Variants in LPCAT2 observed in about 807,000 individuals in gnomAD.
The protein encoded by LPCAT2 is lysophosphatidylcholine acyltransferase 2, also known as 1-AGP acyltransferase 11.
LPCAT2 carries 58 observed loss-of-function variants against 64.7 expected under a neutral mutation model. That is an observed-to-expected ratio of 0.90 (90% CI 0.73 to 1.12). The LOEUF is 1.12. LPCAT2 is among the 50% of genes most tolerant of loss of function. The pLI is 0.00. For missense variants in LPCAT2, 579 were observed against 669.8 expected, an observed-to-expected ratio of 0.86 and a Z score of 1.50; for synonymous variants, 252 against 245.3, an observed-to-expected ratio of 1.03 and a Z score of -0.26.
At chr16:55,557,429 C>T (rs1469686079) in intron 11 of LPCAT2, among the ~76,000 whole-genome samples, 1 of 152,126 alleles carries the variant, frequency 6.6e-6, no homozygotes, top group Non-Finnish European at 1.5e-5. Context: ...GGCTTGTTTT[C>T]TCAGTCTCTG....
At chr16:55,580,765 C>T (rs1249222584) in intron 13 of LPCAT2, among the ~76,000 whole-genome samples, 2 of 152,070 alleles carry the variant, frequency 1.3e-5, no homozygotes, top group South Asian at 4.1e-4. Context: ...GAGTGGCAGG[C>T]GAGTGAGCAT....
chr16:55,521,343 A>G (rs1354493825), intron 1 of LPCAT2, among the ~76,000 whole-genome samples: 1 of 151,796 alleles, frequency 6.6e-6, no homozygotes, highest in Non-Finnish European at 1.5e-5. Flanking sequence ...ATCCACACAT[A>G]TACATTTAAA....
intron 11 of LPCAT2, among the ~76,000 whole-genome samples, chr16:55,556,255 G>A (rs1176915397): frequency 6.6e-6 from 1 of 152,200 alleles, no homozygotes; most frequent in Non-Finnish European, 1.5e-5. Flanking sequence ...TAAATAAAAT[G>A]TATGTATATA....
intron 13 of LPCAT2, among the ~76,000 whole-genome samples, chr16:55,581,670 T>C (rs1462748351): frequency 6.6e-6 from 1 of 152,222 alleles, no homozygotes; most frequent in Non-Finnish European, 1.5e-5. Context: ...GGACATTTAG[T>C]TAACATTATT....
At chr16:55,535,791 T>C (rs186932788) in intron 7 of LPCAT2, among the ~76,000 whole-genome samples, 2 of 152,272 alleles carry the variant, frequency 1.3e-5, no homozygotes, top group East Asian at 3.9e-4. Context: ...CTTACAGAGA[T>C]AGTGATGTGG....
At chr16:55,544,289 G>A (rs1963429090) in intron 8 of LPCAT2, among the ~76,000 whole-genome samples, 1 of 152,164 alleles carries the variant, frequency 6.6e-6, no homozygotes, top group Admixed American at 6.5e-5. Flanking sequence ...TTTATCAAAT[G>A]GAAGTGGTAA....
rs779871413 is a variant in LPCAT2 at position 55,537,578 on chromosome 16, C to T, written c.798C>T (p.Phe266=). ...TVTWTWQGYT[F]IQLCMLTFCQ... is the part of the protein sequence containing the mutation. ...ATAGACTTTTCTTTTTTCTCTTCAG[C>T]ATTCAGCTTTGTATGCTTACTTTCT... Residue 266 remains phenylalanine, a splice_region_variant and synonymous_variant, in exon 8 of 14, where the codon TTC becomes TTT. Transcript: ENST00000262134. The T allele has an allele frequency of 1.4e-5, 22 of 1,612,048 alleles. No individual in the cohort carries two copies. The highest frequency in any genetic ancestry group is 1.9e-5 in the Non-Finnish European group (22 of 1,178,850).
At chr16:55,575,381 C>T (rs1264154721) in intron 12 of LPCAT2, among the ~76,000 whole-genome samples, 1 of 152,144 alleles carries the variant, frequency 6.6e-6, no homozygotes, top group Non-Finnish European at 1.5e-5. Flanking sequence ...AGAATACATT[C>T]CCAAAATGTG....
chr16:55,576,609 T>TA (rs1963830818), intron 12 of LPCAT2, among the ~76,000 whole-genome samples: 1 of 152,174 alleles, frequency 6.6e-6, no homozygotes, highest in Non-Finnish European at 1.5e-5. Flanking sequence ...ACTCTGTTCA[T>TA]AATGCACATT....
chr16:55,533,964 G>A (rs1228617472), intron 6 of LPCAT2, among the ~76,000 whole-genome samples: 1 of 151,960 alleles, frequency 6.6e-6, no homozygotes, highest in African/African-American at 2.4e-5. Flanking sequence ...TTTAGAGGCT[G>A]GTTTTTCAAC....
At chr16:55,553,577 C>T (rs1963542589) in intron 11 of LPCAT2, among the ~76,000 whole-genome samples, 1 of 152,178 alleles carries the variant, frequency 6.6e-6, no homozygotes, top group Admixed American at 6.5e-5. Context: ...TTTACTTGCT[C>T]CACTGAGGTC....
At chr16:55,527,682 TTAAC>T (rs1315473503) in intron 2 of LPCAT2, among the ~76,000 whole-genome samples, 1 of 152,144 alleles carries the variant, frequency 6.6e-6, no homozygotes, top group Non-Finnish European at 1.5e-5. Flanking sequence ...GTTTGATAAA[TTAAC>T]TAATCTATAA....
chr16:55,573,837 C>G (rs1963797488), intron 11 of LPCAT2, among the ~76,000 whole-genome samples: 1 of 150,624 alleles, frequency 6.6e-6, no homozygotes, highest in African/African-American at 2.5e-5. Context: ...TCTACCTTAT[C>G]TCTCTCTCTC....
In LPCAT2 at chr16:55,534,486, C is replaced by T; in HGVS notation, c.797+9C>T. 2 of 1,374,854 alleles carry T rather than the reference C, an allele frequency of 1.5e-6. No individual in the cohort carries two copies. The highest frequency in any genetic ancestry group is 1.4e-5 in the South Asian group (1 of 69,924). 85.2% of individuals were successfully genotyped at this position (1,374,854 alleles called of 1,614,324 possible). A position where few individuals can be genotyped will look rare whatever the true frequency, so the allele number is the denominator to read the frequency against. On this transcript the variant is annotated intron_variant, in intron 7 of 13. Transcript: ENST00000262134. ...TGGCAAGGATATACATTGTAAGTCA[C>T]TTATGTCTATTATTAGTTTATATAA...
intron 11 of LPCAT2, among the ~76,000 whole-genome samples, chr16:55,552,060 AAT>A (rs1376769487): frequency 6.6e-6 from 1 of 152,158 alleles, no homozygotes; most frequent in Non-Finnish European, 1.5e-5. Context: ...CAGTTGAAAA[AAT>A]ATATATATTT....
chr16:55,540,194 G>T (rs1326338103), intron 8 of LPCAT2: 2 of 152,064 alleles, frequency 1.3e-5, no homozygotes, highest in African/African-American at 4.8e-5. Context: ...TTTTGAAAAG[G>T]TTATTATTTT....
At chr16:55,570,850 C>T (rs1338844536) in intron 11 of LPCAT2, among the ~76,000 whole-genome samples, 1 of 152,128 alleles carries the variant, frequency 6.6e-6, no homozygotes, top group Non-Finnish European at 1.5e-5. Flanking sequence ...TCGAATACTT[C>T]TTCCTGTACT....
At chr16:55,542,615 G>A (rs1963410844) in intron 8 of LPCAT2, among the ~76,000 whole-genome samples, 1 of 152,096 alleles carries the variant, frequency 6.6e-6, no homozygotes, top group African/African-American at 2.4e-5. Flanking sequence ...AGAAGTGAAA[G>A]ATTCTAAGTA....
chr16:55,534,182 G>A (rs1158434581), intron 6 of LPCAT2, among the ~76,000 whole-genome samples: 2 of 152,038 alleles, frequency 1.3e-5, no homozygotes. Context: ...GGCTAAGCAT[G>A]TAAAATAGTT....
Sources: allele counts gnomAD v4.1 joint callset (sites outside exome capture counted in the v4.1 genomes callset), GRCh38; gene constraint gnomAD v4.1.1; transcripts MANE v1.5; gene names NCBI Gene and HGNC (gene_info 2026-07-23, HGNC 2026-07-21).